The following CYYR1 variants were observed in gnomAD, a reference collection of about 807,000 sequenced individuals.
CYYR1 encodes cysteine and tyrosine rich 1.
In CYYR1, 14 loss-of-function variants were observed where a neutral mutation model predicts 15.2. The observed-to-expected ratio is 0.92, with a 90% confidence interval of 0.61 to 1.44. CYYR1 has a LOEUF of 1.44. Ranked by LOEUF, CYYR1 falls within the 40% of genes most tolerant of loss-of-function variation. The pLI is 0.00. For missense variants in CYYR1, 228 were observed against 209.5 expected (o/e 1.09, Z -0.54); for synonymous variants, 80 against 77.4 (o/e 1.03, Z -0.18).
intron 2 of CYYR1, among the ~76,000 whole-genome samples, chr21:26,565,449 G>A (rs955078593): frequency 1.3e-5 from 2 of 152,150 alleles, no homozygotes; most frequent in African/African-American, 4.8e-5. Flanking sequence ...AACCGTTGCT[G>A]CTCTCTGAAA....
At chr21:26,485,307 C>A (rs2065235786) in intron 2 of CYYR1, among the ~76,000 whole-genome samples, 4 of 151,942 alleles carry the variant, frequency 2.6e-5, no homozygotes, top group Admixed American at 2.0e-4. Context: ...AACAATGGCA[C>A]AACATGAAAA....
chr21:26,503,726 A>G (rs1351026421), intron 2 of CYYR1: 1 of 152,192 alleles, frequency 6.6e-6, no homozygotes, highest in East Asian at 1.9e-4. Context: ...TTAAGTCACA[A>G]TAAAACACTT....
At chr21:26,480,565 C>T (rs1258107143) in intron 2 of CYYR1, 136 bp from the exon 3 acceptor site, 30 of 593,190 alleles carry the variant, frequency 5.1e-5, no homozygotes, top group Non-Finnish European at 6.8e-5. Flanking sequence ...TTTTTCTTTT[C>T]TTTTTTTTTT....
At chr21:26,506,343 G>A (rs935811239) in intron 2 of CYYR1, among the ~76,000 whole-genome samples, 1 of 152,094 alleles carries the variant, frequency 6.6e-6, no homozygotes, top group Non-Finnish European at 1.5e-5. Flanking sequence ...ACATTGAGGG[G>A]GCTTTCTCTT....
rs555316771 is a variant in CYYR1, at chr21:26,536,797, T to C, written c.176+29469A>G. Among the ~76,000 whole-genome samples, 532 of 152,298 alleles carry C rather than the reference T, an allele frequency of 3.5e-3. 3 individuals carry two copies. Among genetic ancestry groups the C allele is most frequent in the African/African-American group, 0.012 (519 of 41,562 alleles). On this transcript the variant is annotated intron_variant, in intron 2 of 3. Coordinates refer to ENST00000652641, the MANE Select transcript of CYYR1 (RefSeq NM_001320768.2). ...TGTTTTCATCTGTTCCTTGATCTTC[T>C]GCATTCTCCCCCACCAAGCGACATC...
At chr21:26,490,347 G>A (rs963440796) in intron 2 of CYYR1, among the ~76,000 whole-genome samples, 2 of 151,924 alleles carry the variant, frequency 1.3e-5, no homozygotes, top group Non-Finnish European at 2.9e-5. Context: ...CTACGTGCTA[G>A]CACTATTCTG....
intron 2 of CYYR1, among the ~76,000 whole-genome samples, chr21:26,533,145 T>C (rs1474965923): frequency 1.3e-5 from 2 of 148,802 alleles, no homozygotes; most frequent in African/African-American, 2.5e-5. Flanking sequence ...ATAAGAAATA[T>C]GTATTGTAGT....
chr21:26,542,928 ACT>A (rs922306911), intron 2 of CYYR1, among the ~76,000 whole-genome samples: 10 of 152,218 alleles, frequency 6.6e-5, no homozygotes, highest in African/African-American at 2.2e-4. Context: ...GCAAGGACTG[ACT>A]CACATTTACC....
intron 2 of CYYR1, among the ~76,000 whole-genome samples, chr21:26,544,326 G>C (rs991655197): frequency 6.6e-6 from 1 of 152,242 alleles, no homozygotes; most frequent in African/African-American, 2.4e-5. Context: ...AATGCAGAGC[G>C]CTTAGAAAAC....
intron 2 of CYYR1, among the ~76,000 whole-genome samples, chr21:26,504,147 C>T (rs1195214311): frequency 1.3e-5 from 2 of 152,010 alleles, no homozygotes; most frequent in East Asian, 3.9e-4. Context: ...AAGTATCTCA[C>T]GATATGATGG....
chr21:26,495,371 A>C (rs73349257), intron 2 of CYYR1, among the ~76,000 whole-genome samples: 2,782 of 152,270 alleles, frequency 0.018, 93 homozygotes, highest in African/African-American at 0.064. Context: ...TAGGCTCTAC[A>C]TTTCCCAGCT....
chr21:26,487,884 A>C (rs1469936461), intron 2 of CYYR1, among the ~76,000 whole-genome samples: 1 of 151,440 alleles, frequency 6.6e-6, no homozygotes, highest in African/African-American at 2.4e-5. Context: ...AGACCAATCC[A>C]TGTAATTTTT....
chr21:26,487,013 A>T (rs2065257977), intron 2 of CYYR1, among the ~76,000 whole-genome samples: 1 of 152,104 alleles, frequency 6.6e-6, no homozygotes, highest in Non-Finnish European at 1.5e-5. Context: ...ATTTAGTAAC[A>T]GCAGTCCCAA....
At chr21:26,527,478 A>G (rs1304632806) in intron 2 of CYYR1, among the ~76,000 whole-genome samples, 1 of 152,242 alleles carries the variant, frequency 6.6e-6, no homozygotes, top group Non-Finnish European at 1.5e-5. Flanking sequence ...AACAAAAAAA[A>G]TGCAGAATAG....
intron 3 of CYYR1, chr21:26,471,716 T>A (rs2123363003): frequency 6.6e-6 from 1 of 152,334 alleles, no homozygotes; most frequent in Non-Finnish European, 1.5e-5. Flanking sequence ...AGTATCAATT[T>A]TAGAATTCCT....
intron 2 of CYYR1, among the ~76,000 whole-genome samples, chr21:26,486,124 T>G (rs1360885174): frequency 1.3e-5 from 2 of 152,128 alleles, no homozygotes; most frequent in African/African-American, 4.8e-5. Flanking sequence ...ATATTCTAAT[T>G]GGATTGCTTG....
At chr21:26,548,635 C>T (rs1371358500) in intron 2 of CYYR1, among the ~76,000 whole-genome samples, 2 of 152,200 alleles carry the variant, frequency 1.3e-5, no homozygotes, top group Admixed American at 1.3e-4. Context: ...AGGCATGAGC[C>T]ACCAAGCCCG....
intron 2 of CYYR1, among the ~76,000 whole-genome samples, chr21:26,506,008 T>G (rs113412100): frequency 0.011 from 1,731 of 152,228 alleles, 34 homozygotes; most frequent in African/African-American, 0.039. Context: ...CATGATGAAT[T>G]TTATGCTTTT....
chr21:26,505,913 C>T (rs1288278568), intron 2 of CYYR1, among the ~76,000 whole-genome samples: 4 of 152,222 alleles, frequency 2.6e-5, no homozygotes, highest in Admixed American at 6.5e-5. Context: ...AAAGTACTGC[C>T]CCACTTTGAC....
Sources: allele counts gnomAD v4.1 joint callset (sites outside exome capture counted in the v4.1 genomes callset), GRCh38; gene constraint gnomAD v4.1.1; transcripts MANE v1.5; gene names NCBI Gene and HGNC (gene_info 2026-07-23, HGNC 2026-07-21).